MTMR14: variants seen among roughly 807,000 people sequenced by gnomAD.
MTMR14 encodes the protein myotubularin related protein 14, also known as phosphatidylinositol-3,5-bisphosphate 3-phosphatase MTMR14.
A neutral mutation model predicts 86.3 loss-of-function variants in MTMR14; 48 were observed. The ratio of observed to expected loss-of-function variants is 0.56; its 90% CI spans 0.44 to 0.71. The LOEUF is 0.71. Ranked by LOEUF, MTMR14 falls within the 30% of genes least tolerant of loss-of-function variation. The probability of loss-of-function intolerance (pLI) is 0.00; values close to 1 mark genes in which losing one functional copy is unlikely to be tolerated. For synonymous variants in MTMR14, 366 were observed against 326.1 expected, an observed-to-expected ratio of 1.12 and a Z score of -1.32; for missense variants, 780 against 834.6, an observed-to-expected ratio of 0.93 and a Z score of 0.81.
At chr3:9,696,489 GC>G (rs1265129136) in intron 17 of MTMR14, among the ~76,000 whole-genome samples, 1 of 152,206 alleles carries the variant, frequency 6.6e-6, no homozygotes, top group Non-Finnish European at 1.5e-5. Flanking sequence ...TCCAGCCTGG[GC>G]GACAAGAGCA....
rs538523097 is a variant in MTMR14, at chr3:9,677,348, G to A, written c.783G>A (p.Arg261=). ...GCEFFKEYKD[R]DYMAEGLIFN... ...AATTTTTCAAGGAATATAAAGATCGGGATTACATGGCAGAAGGGCTCATAT... is the reference window on the plus strand; with the variant it reads ...AATTTTTCAAGGAATATAAAGATCGAGATTACATGGCAGAAGGGCTCATAT... The change falls in exon 8 of 19, where the codon CGG becomes CGA. Residue 261 remains arginine (R), a synonymous_variant. Transcript: ENST00000296003. This position sits in a 1 kb window ranked among gnomAD's most constrained non-coding sequence, Gnocchi z 4.2. 8 of 1,614,034 alleles carry A rather than the reference G, an allele frequency of 5.0e-6. No homozygotes were observed. The highest frequency in any genetic ancestry group is 6.8e-6 in the Non-Finnish European group (8 of 1,179,954).
At chr3:9,660,416 G>A (rs1347159074) in intron 2 of MTMR14, among the ~76,000 whole-genome samples, 2 of 151,970 alleles carry the variant, frequency 1.3e-5, no homozygotes, top group African/African-American at 2.4e-5. Flanking sequence ...GCGCCACCAC[G>A]CCAGGCTAAT....
intron 1 of MTMR14, among the ~76,000 whole-genome samples, chr3:9,652,939 C>T (rs2047386205): frequency 6.6e-6 from 1 of 151,974 alleles, no homozygotes; most frequent in Non-Finnish European, 1.5e-5. Flanking sequence ...GAGACTGTGT[C>T]TTTTAAAAAA....
chr3:9,653,011 C>T (rs1477863666), intron 1 of MTMR14, among the ~76,000 whole-genome samples: 3 of 152,206 alleles, frequency 2.0e-5, no homozygotes, highest in South Asian at 4.1e-4. Flanking sequence ...CCGAGGTGGG[C>T]GGGTCACCTG....
rs2075887535 is a variant in MTMR14, at chr3:9,684,897, A to C, written c.1060A>C (p.Ile354Leu). 6.2e-7 allele frequency: 1 copy of C among 1,613,980 alleles called. No individual in the cohort carries two copies. The highest frequency in any genetic ancestry group is 1.7e-5 in the Admixed American group (1 of 60,006). The change falls in exon 12 of 19, where the codon ATC (isoleucine) becomes CTC (leucine). Residue 354 changes from isoleucine to leucine, a missense_variant. Physicochemically the swap from Ile to Leu is conservative, Grantham distance 5. Transcript: ENST00000296003. ...LRLSLWADGL[I>L]HTSLKPTEIL... is the part of the protein sequence containing the mutation. ...CTGTGGTCTCTTCCAGGATGGGCTC[A>C]TCCACACGTCCCTGAAGCCCACTGA...
At position 9,672,682 on chromosome 3, in the gene MTMR14, T is replaced by C. The variant is rs213869; in HGVS notation, c.678-3T>C. On this transcript the variant is annotated splice_polypyrimidine_tract_variant and splice_region_variant and intron_variant, in intron 6 of 18. Coordinates refer to ENST00000296003, the MANE Select transcript of MTMR14 (RefSeq NM_001077525.3). ...TGTAACACATTGTATCCTTGTCTTGTAGTGTAACCTCCTCTGAGAAGGTGG... is the reference window on the plus strand; with the variant it reads ...TGTAACACATTGTATCCTTGTCTTGCAGTGTAACCTCCTCTGAGAAGGTGG... The C allele has an allele frequency of 6.2e-7, 1 of 1,613,522 alleles. No homozygotes were observed. The highest frequency in any genetic ancestry group is 8.5e-7 in the Non-Finnish European group (1 of 1,179,540).
At chr3:9,683,418 C>A in intron 10 of MTMR14, 174 bp downstream of exon 10, 3 of 645,440 alleles carry the variant, frequency 4.6e-6, no homozygotes, top group Non-Finnish European at 5.6e-6. Flanking sequence ...CCATTGGTGG[C>A]TTTATTCCAT....
chr3:9,660,048 G>A (rs966496870), intron 2 of MTMR14, among the ~76,000 whole-genome samples: 3 of 152,182 alleles, frequency 2.0e-5, no homozygotes, highest in South Asian at 2.1e-4. Flanking sequence ...CATCGGCCAC[G>A]GGCCAAGTAA....
rs747897774 is a variant in MTMR14, at chr3:9,678,014, G to A, written c.853G>A (p.Asp285Asn). 25 of 1,613,826 alleles carry A rather than the reference G, an allele frequency of 1.5e-5. No individual in the cohort carries two copies. Among genetic ancestry groups the A allele is most frequent in the African/African-American group, 5.3e-5 (4 of 74,878 alleles). The change falls in exon 9 of 19, where the codon GAC becomes AAC. Residue 285 changes from aspartate to asparagine, a missense_variant. Coordinates refer to ENST00000296003, the MANE Select transcript of MTMR14 (RefSeq NM_001077525.3). ...CGTTGATGCCCCATTGAGCATCCCCGACTTCCTGACTCACTCTCTGAACAT... is the reference window on the plus strand; with the variant it reads ...CGTTGATGCCCCATTGAGCATCCCCAACTTCCTGACTCACTCTCTGAACAT... ...DYVDAPLSIP[D>N]FLTHSLNIDW...
intron 1 of MTMR14, among the ~76,000 whole-genome samples, chr3:9,652,472 G>A (rs2047357625): frequency 6.6e-6 from 1 of 152,178 alleles, no homozygotes; most frequent in South Asian, 2.1e-4. Context: ...TGGGGAAGAG[G>A]GCCAGTACAC....
chr3:9,699,600 C>T (rs1484209804), intron 18 of MTMR14: 1 of 152,224 alleles, frequency 6.6e-6, no homozygotes, highest in Non-Finnish European at 1.5e-5. Flanking sequence ...CTTTTCTGAG[C>T]CTGTTAGCTC....
At chr3:9,679,357 A>G (rs1475246552) in intron 9 of MTMR14, among the ~76,000 whole-genome samples, 1 of 152,220 alleles carries the variant, frequency 6.6e-6, no homozygotes, top group African/African-American at 2.4e-5. Flanking sequence ...CTGAGTAGAT[A>G]AAAGAACCGG....
rs751955081 is a variant in MTMR14, at chr3:9,697,822, C to T, written c.1725C>T (p.Ser575=). 6 of 1,614,102 alleles carry T rather than the reference C, an allele frequency of 3.7e-6. No homozygotes were observed. In the African/African-American group the frequency reaches 8.0e-5, roughly 22 times the overall value. ...IQERAVLHTD[S]SLPFSFPDEL... ...AGCGGGCTGTCCTGCACACAGACTCCTCTCTCCCTTTCAGCTTCCCGGATG... is the reference window on the plus strand; with the variant it reads ...AGCGGGCTGTCCTGCACACAGACTCTTCTCTCCCTTTCAGCTTCCCGGATG... Residue 575 remains serine (S), a synonymous_variant, in exon 18 of 19, where the codon TCC becomes TCT. Transcript: ENST00000296003.
rs371590411 is a variant in MTMR14, at chr3:9,681,951, C to T, written c.898-1227C>T. ...ATGGTCAGCATCTCCTCCAGACAGCCGTCATGGTGGCTGGCATTCCGCAGC... is the reference window on the plus strand; with the variant it reads ...ATGGTCAGCATCTCCTCCAGACAGCTGTCATGGTGGCTGGCATTCCGCAGC... On this transcript the variant is annotated intron_variant, in intron 9 of 18. Transcript: ENST00000296003. 4.6e-5 allele frequency among the ~76,000 whole-genome samples: 7 copies of T among 150,896 alleles called. No individual in the cohort carries two copies. In the East Asian group the frequency reaches 5.8e-4, roughly 12 times the overall value.
At chr3:9,686,713 G>C (rs2075970217) in intron 13 of MTMR14, among the ~76,000 whole-genome samples, 1 of 152,216 alleles carries the variant, frequency 6.6e-6, no homozygotes, top group African/African-American at 2.4e-5. Context: ...CCTTGTGGGG[G>C]GCAGCTCCTT....
intron 14 of MTMR14, among the ~76,000 whole-genome samples, chr3:9,688,384 G>T (rs2076030549): frequency 6.6e-6 from 1 of 152,226 alleles, no homozygotes; most frequent in African/African-American, 2.4e-5. Context: ...TTGGGGTCTT[G>T]CCTGAGTTGG....
intron 7 of MTMR14, chr3:9,675,595 C>G (rs780436384): frequency 2.2e-6 from 1 of 457,388 alleles, no homozygotes; most frequent in South Asian, 1.5e-5. Flanking sequence ...TTTGTTTCCT[C>G]CTTGAGTGAA....
intron 3 of MTMR14, among the ~76,000 whole-genome samples, chr3:9,668,341 A>G (rs1490792842): frequency 1.3e-5 from 2 of 152,114 alleles, no homozygotes; most frequent in Non-Finnish European, 2.9e-5. Flanking sequence ...TCTTTTCTTC[A>G]TCTGTGTAAC....
chr3:9,688,812 C>T (rs962191726), intron 15 of MTMR14, 58 bp downstream of exon 15: 3 of 1,609,378 alleles, frequency 1.9e-6, no homozygotes, highest in Non-Finnish European at 2.6e-6. Context: ...GTGTACAGAT[C>T]AGGCAGGAAC....
Sources: gnomAD v4.1 joint callset for allele counts (sites outside exome capture counted in the v4.1 genomes callset) on GRCh38, gnomAD v4.1.1 for gene constraint, Gnocchi (gnomAD v3.1) non-coding constraint, MANE v1.5 for transcripts, NCBI Gene and HGNC (gene_info 2026-07-23, HGNC 2026-07-21) for gene names.